RRBP1: variants seen among roughly 807,000 people sequenced by gnomAD.
The protein encoded by RRBP1 is ribosome-binding protein 1.
RRBP1 carries 94 observed loss-of-function variants against 165.2 expected under a neutral mutation model. The observed-to-expected ratio is 0.57, with a 90% CI of 0.48 to 0.68. The LOEUF is 0.68. Ranked by LOEUF, RRBP1 falls within the 30% of genes least tolerant of loss-of-function variation. The pLI, the probability that RRBP1 is intolerant of heterozygous loss-of-function variation, is 0.00. For missense variants in RRBP1, 1,676 were observed against 1,763.0 expected (o/e 0.95, Z 0.88); for synonymous variants, 680 against 714.5 (o/e 0.95, Z 0.77).
At chr20:17,623,600 G>A (rs1410804122) in intron 13 of RRBP1, among the ~76,000 whole-genome samples, 2 of 152,176 alleles carry the variant, frequency 1.3e-5, no homozygotes, top group Admixed American at 6.5e-5. Context: ...TTCCCCGAGT[G>A]CTCGCTGCAA....
At chr20:17,653,605 G>A (rs1037899853) in intron 3 of RRBP1, among the ~76,000 whole-genome samples, 9 of 152,214 alleles carry the variant, frequency 5.9e-5, no homozygotes, top group Non-Finnish European at 1.0e-4. Context: ...GGAGGCCAAG[G>A]CGGGTGGATC....
chr20:17,616,101 T>G (rs889567947), intron 21 of RRBP1, 92 bp from the exon 22 acceptor site: 57 of 1,046,786 alleles, frequency 5.4e-5, no homozygotes, highest in South Asian at 4.1e-4. Flanking sequence ...TCTAGCTGCT[T>G]CTAGCTTCCC....
intron 3 of RRBP1, among the ~76,000 whole-genome samples, chr20:17,647,724 G>A (rs77397429): frequency 0.12 from 18,222 of 152,246 alleles, 1,404 homozygotes; most frequent in Middle Eastern, 0.24. Flanking sequence ...GCTTGGGGAA[G>A]AACTCCAGTG....
At chr20:17,638,971 G>A (rs536007516) in intron 5 of RRBP1, among the ~76,000 whole-genome samples, 1 of 152,164 alleles carries the variant, frequency 6.6e-6, no homozygotes, top group East Asian at 1.9e-4. Context: ...ACCCTCTGAG[G>A]GTCCCAGAGG....
At position 17,658,009 on chromosome 20, in the gene RRBP1, C is replaced by T. The variant is rs932272664; in HGVS notation, c.1912+587G>A. Among the ~76,000 whole-genome samples the T allele has an allele frequency of 1.3e-5, 2 of 152,256 alleles. 1 individual carries two copies. Among genetic ancestry groups the T allele is most frequent in the East Asian group, 3.8e-4 (2 of 5,202 alleles). On this transcript the variant is annotated intron_variant, in intron 3 of 24. Transcript: ENST00000377813. The stretch of plus-strand genomic sequence containing the variant: ...CAGACAGTTAAGAAAGACTTGCCAA[C>T]ACGCAGAACTCTTCTACACTGTGTG...
At chr20:17,647,425 C>T (rs1041085181) in intron 3 of RRBP1, among the ~76,000 whole-genome samples, 1 of 152,212 alleles carries the variant, frequency 6.6e-6, no homozygotes, top group Admixed American at 6.5e-5. Flanking sequence ...AGGTCCAAGT[C>T]TTCATAGGCC....
At position 17,641,923 on chromosome 20, in the gene RRBP1, G is replaced by A. The variant is rs961821517; in HGVS notation, c.2062-4C>T. On this transcript the variant is annotated splice_region_variant and splice_polypyrimidine_tract_variant and intron_variant, in intron 4 of 24. Coordinates refer to ENST00000377813, the MANE Select transcript of RRBP1 (RefSeq NM_001365613.2). ...CAGGGTCACCCTTCTGAGTGGCCTA[G>A]AAATACCCAGAGATGCGTTAACAGA... 2 of 1,612,668 alleles carry A rather than the reference G, an allele frequency of 1.2e-6. No individual in the cohort carries two copies. The highest frequency in any genetic ancestry group is 1.7e-6 in the Non-Finnish European group (2 of 1,178,920).
At chr20:17,635,862 C>T (rs879734346) in intron 6 of RRBP1, among the ~76,000 whole-genome samples, 198 bp from the exon 7 acceptor site, 2 of 152,242 alleles carry the variant, frequency 1.3e-5, no homozygotes, top group Non-Finnish European at 2.9e-5. Context: ...GCATGACTCC[C>T]ACACCCAGCG....
Position 17,614,793 on chromosome 20 carries a change from G to C in RRBP1, c.4138C>G (p.Gln1380Glu). Residue 1380 changes from glutamine to glutamate, a missense_variant, in exon 24 of 25, where the codon CAG (glutamine) becomes GAG (glutamate). Coordinates refer to ENST00000377813, the MANE Select transcript of RRBP1 (RefSeq NM_001365613.2). ...LQELLKTTQE[Q>E]LAREKDTVKK... is the part of the protein sequence containing the mutation. ...ACCGTGTCCTTCTCCCTTGCCAGCT[G>C]CTCCTGGGTCGTCTTCAGAAGCTCC... 3 of 1,613,796 alleles carry C rather than the reference G, an allele frequency of 1.9e-6. No homozygotes were observed. Among genetic ancestry groups the C allele is most frequent in the Non-Finnish European group, 2.5e-6 (3 of 1,180,030 alleles).
At position 17,676,752 on chromosome 20, in the gene RRBP1, T is replaced by C. The variant is rs555535321; in HGVS notation, c.-22+3247A>G. On this transcript the variant is annotated intron_variant, in intron 2 of 24. Coordinates refer to ENST00000377813, the MANE Select transcript of RRBP1 (RefSeq NM_001365613.2). ...AGAGAACCCAAAAATCTAGATTTTG[T>C]TTTTGTTTTTTATTATGAGACAGAG... Among the ~76,000 whole-genome samples the C allele has an allele frequency of 1.6e-4, 25 of 152,106 alleles. 1 individual carries two copies. In the South Asian group the frequency reaches 5.0e-3, roughly 30 times the overall value.
intron 4 of RRBP1, 149 bp from the exon 5 acceptor site, chr20:17,642,068 G>A (rs2073046089): frequency 3.3e-6 from 3 of 913,392 alleles, no homozygotes; most frequent in Middle Eastern, 3.4e-4. Flanking sequence ...GATACTTGTG[G>A]GGAAAGGCGG....
intron 5 of RRBP1, among the ~76,000 whole-genome samples, chr20:17,637,204 G>C (rs1033228058): frequency 4.6e-5 from 7 of 152,188 alleles, no homozygotes; most frequent in Non-Finnish European, 7.4e-5. Flanking sequence ...CCGTGGCTGG[G>C]GGTAGGGCAT....
intron 19 of RRBP1, 101 bp downstream of exon 19, chr20:17,619,532 T>G: frequency 1.3e-6 from 1 of 791,762 alleles, no homozygotes; most frequent in Non-Finnish European, 1.9e-6. Flanking sequence ...CTTCAAGGCT[T>G]ATGTCACCGA....
chr20:17,673,619 G>A (rs2037020428), intron 2 of RRBP1, among the ~76,000 whole-genome samples: 1 of 152,136 alleles, frequency 6.6e-6, no homozygotes, highest in African/African-American at 2.4e-5. Context: ...ATGTTGGCCA[G>A]GCTGGTCTCG....
intron 2 of RRBP1, among the ~76,000 whole-genome samples, chr20:17,678,350 T>A (rs2037120212): frequency 6.6e-6 from 1 of 152,252 alleles, no homozygotes; most frequent in East Asian, 1.9e-4. Context: ...ATTTTGATGC[T>A]GAGGGCATTG....
intron 8 of RRBP1, among the ~76,000 whole-genome samples, chr20:17,630,396 C>T (rs2036125596): frequency 6.6e-6 from 1 of 152,230 alleles, no homozygotes; most frequent in Non-Finnish European, 1.5e-5. Flanking sequence ...TGCACCACTG[C>T]GATCACGCTA....
chr20:17,614,950 G>A, intron 23 of RRBP1, 70 bp from the exon 24 acceptor site: 4 of 1,543,054 alleles, frequency 2.6e-6, no homozygotes, highest in Non-Finnish European at 2.7e-6. Context: ...TATGCCCACA[G>A]GACCCTGACG....
intron 11 of RRBP1, 48 bp downstream of exon 11, chr20:17,627,300 C>A (rs778942357): frequency 1.2e-6 from 2 of 1,603,614 alleles, no homozygotes; most frequent in Non-Finnish European, 1.7e-6. Context: ...GTCTTTGGTC[C>A]CCCGGGCTGA....
At chr20:17,679,169 A>T (rs147045879) in intron 2 of RRBP1, among the ~76,000 whole-genome samples, 23 of 152,338 alleles carry the variant, frequency 1.5e-4, no homozygotes, top group Admixed American at 7.2e-4. Context: ...CCCACCCCCT[A>T]GAACAGGGTT....
Sources: allele counts gnomAD v4.1 joint callset (sites outside exome capture counted in the v4.1 genomes callset), GRCh38; gene constraint gnomAD v4.1.1; transcripts MANE v1.5; gene names NCBI Gene and HGNC (gene_info 2026-07-23, HGNC 2026-07-21).